The following GRIK4 variants were observed in gnomAD, a reference collection of about 807,000 sequenced individuals.
GRIK4 encodes glutamate ionotropic receptor kainate type subunit 4.
Under a neutral mutation model 104.9 loss-of-function variants are expected in GRIK4, and 40 were observed. That is an observed-to-expected ratio of 0.38 (90% CI 0.30 to 0.50). GRIK4 has a LOEUF of 0.50. GRIK4 is among the 20% of genes least tolerant of loss of function. GRIK4 has a pLI of 0.93. For synonymous variants in GRIK4, 485 were observed against 524.9 expected (o/e 0.92, Z 1.04); for missense variants, 1,047 against 1,308.1 (o/e 0.80, Z 3.08).
chr11:120,972,825 C>T lies in GRIK4; in HGVS notation c.2395+5502C>T, dbSNP rs117192732. On this transcript the variant is annotated intron_variant, in intron 19 of 20. Transcript: ENST00000527524. The stretch of plus-strand genomic sequence containing the variant: ...GTAATGGGCTTGTACTGTGGTATGA[C>T]GCATATTTCTGGAGTTTGGCAAACC... 3.5e-3 allele frequency among the ~76,000 whole-genome samples: 534 copies of T among 152,078 alleles called. 5 individuals carry two copies. The highest frequency in any genetic ancestry group is 0.01 in the Middle Eastern group (3 of 294).
intron 3 of GRIK4, among the ~76,000 whole-genome samples, chr11:120,723,964 C>T (rs1309708430): frequency 7.9e-4 from 120 of 152,248 alleles, no homozygotes; most frequent in South Asian, 7.3e-3. Context: ...GCTCAGCCCC[C>T]TCTCCCTACC....
At chr11:120,530,938 A>G (rs1947917455) in intron 1 of GRIK4, among the ~76,000 whole-genome samples, 1 of 152,172 alleles carries the variant, frequency 6.6e-6, no homozygotes, top group Non-Finnish European at 1.5e-5. Flanking sequence ...CCGGTTCACA[A>G]AAAGGAGATC....
chr11:120,606,729 C>T (rs550043820), intron 1 of GRIK4, among the ~76,000 whole-genome samples: 20 of 152,224 alleles, frequency 1.3e-4, no homozygotes, highest in Admixed American at 1.1e-3. Context: ...AGTTCTCCCA[C>T]GGAGGTGACT....
intron 13 of GRIK4, among the ~76,000 whole-genome samples, chr11:120,924,530 G>A (rs538704486): frequency 6.6e-6 from 1 of 151,962 alleles, no homozygotes; most frequent in African/African-American, 2.4e-5. Flanking sequence ...TCACTGTCCG[G>A]ATCAAGAAAT....
chr11:120,645,751 G>A lies in GRIK4; in HGVS notation c.-158-7934G>A, dbSNP rs550836837. On this transcript the variant is annotated intron_variant, in intron 1 of 20. Transcript: ENST00000527524. ...GGTTCCTGAGAGTTCCCTATCTGGC[G>A]CCCGCCTTCACGTTCCCTTGCCTGC... 2.0e-5 allele frequency among the ~76,000 whole-genome samples: 3 copies of A among 152,204 alleles called. No homozygotes were observed. In the South Asian group the frequency reaches 6.2e-4, roughly 32 times the overall value.
intron 20 of GRIK4, among the ~76,000 whole-genome samples, chr11:120,984,724 G>A (rs73585283): frequency 0.23 from 35,343 of 151,292 alleles, 4,315 homozygotes; most frequent in African/African-American, 0.3. Flanking sequence ...AGCTGAGATT[G>A]TGCCACTGCA....
At chr11:120,568,146 C>A (rs1948353772) in intron 1 of GRIK4, among the ~76,000 whole-genome samples, 1 of 152,160 alleles carries the variant, frequency 6.6e-6, no homozygotes. Flanking sequence ...CCACTGTACT[C>A]CAGCCTGGGT....
chr11:120,515,170 C>G (rs1178269206), intron 1 of GRIK4: 1 of 392,918 alleles, frequency 2.5e-6, no homozygotes, highest in East Asian at 7.3e-5. Flanking sequence ...CTCACCCTGG[C>G]CCTTTGCATT....
intron 3 of GRIK4, among the ~76,000 whole-genome samples, chr11:120,762,266 G>C (rs1054236714): frequency 6.6e-6 from 1 of 152,170 alleles, no homozygotes; most frequent in African/African-American, 2.4e-5. Context: ...GTATAGGAAT[G>C]CCTGTGATTT....
At chr11:120,955,292 C>A (rs1944116109) in intron 15 of GRIK4, among the ~76,000 whole-genome samples, 1 of 152,172 alleles carries the variant, frequency 6.6e-6, no homozygotes, top group African/African-American at 2.4e-5. Context: ...CACAGAGGGA[C>A]AGAGCACATC....
intron 1 of GRIK4, among the ~76,000 whole-genome samples, chr11:120,622,655 G>A (rs1949204511): frequency 6.6e-6 from 1 of 152,202 alleles, no homozygotes; most frequent in African/African-American, 2.4e-5. Flanking sequence ...AAGCCAAGTG[G>A]CTTAAAACAG....
intron 14 of GRIK4, among the ~76,000 whole-genome samples, chr11:120,949,374 T>C (rs760739629): frequency 1.3e-5 from 2 of 152,212 alleles, no homozygotes; most frequent in Non-Finnish European, 2.9e-5. Flanking sequence ...CTAATTCTAA[T>C]TTTGCTGTTG....
intron 13 of GRIK4, among the ~76,000 whole-genome samples, chr11:120,910,343 A>G (rs1942963802): frequency 1.3e-5 from 2 of 152,168 alleles, no homozygotes; most frequent in African/African-American, 4.8e-5. Flanking sequence ...TTTTCCTGTA[A>G]TCCCATTAAA....
chr11:120,724,250 G>A (rs757396545), intron 3 of GRIK4, among the ~76,000 whole-genome samples: 25 of 152,198 alleles, frequency 1.6e-4, no homozygotes, highest in Non-Finnish European at 2.8e-4. Flanking sequence ...CTGGGCTCAA[G>A]CGATCCTCCT....
intron 1 of GRIK4, among the ~76,000 whole-genome samples, chr11:120,616,052 C>T (rs948192373): frequency 1.3e-5 from 2 of 152,114 alleles, no homozygotes; most frequent in African/African-American, 2.4e-5. Flanking sequence ...GTCAAGCACC[C>T]GGGATCCATT....
intron 8 of GRIK4, among the ~76,000 whole-genome samples, chr11:120,853,051 A>G (rs1954012023): frequency 2.0e-5 from 3 of 152,180 alleles, no homozygotes; most frequent in African/African-American, 7.2e-5. Flanking sequence ...CTGATAATGT[A>G]AGTGCATTTC....
intron 19 of GRIK4, among the ~76,000 whole-genome samples, chr11:120,979,391 CAG>C (rs1944614239): frequency 6.6e-6 from 1 of 152,100 alleles, no homozygotes; most frequent in African/African-American, 2.4e-5. Flanking sequence ...TCTTGCCACT[CAG>C]TAATATCAGA....
intron 3 of GRIK4, among the ~76,000 whole-genome samples, chr11:120,674,978 G>T (rs1950076458): frequency 6.6e-6 from 1 of 152,220 alleles, no homozygotes; most frequent in African/African-American, 2.4e-5. Flanking sequence ...TGGAGCTGCT[G>T]GAGTTTCTGA....
chr11:120,977,040 T>C (rs575606256), intron 19 of GRIK4, among the ~76,000 whole-genome samples: 2 of 152,244 alleles, frequency 1.3e-5, no homozygotes, highest in Non-Finnish European at 2.9e-5. Context: ...TTCCCCTTTG[T>C]AGTTCAAGAG....
Sources: allele counts gnomAD v4.1 joint callset (sites outside exome capture counted in the v4.1 genomes callset), GRCh38; gene constraint gnomAD v4.1.1; transcripts MANE v1.5; gene names NCBI Gene and HGNC (gene_info 2026-07-23, HGNC 2026-07-21).